Variants in MRPS27 observed in about 807,000 individuals in gnomAD.
MRPS27 encodes the protein mitochondrial ribosomal protein S27.
Under a neutral mutation model 48.9 loss-of-function variants are expected in MRPS27, and 43 were observed. The ratio of observed to expected loss-of-function variants is 0.88; its 90% CI spans 0.69 to 1.13. The LOEUF (loss-of-function observed/expected upper bound fraction) is 1.13, where lower values mean the gene tolerates loss of function less well. Among genes scored for constraint, MRPS27 ranks in the 50% most tolerant of loss-of-function variants. The probability of loss-of-function intolerance (pLI) is 0.00; values close to 1 mark genes in which losing one functional copy is unlikely to be tolerated. For missense variants in MRPS27, 467 were observed against 476.3 expected, an observed-to-expected ratio of 0.98 and a Z score of 0.18; for synonymous variants, 188 against 171.9, an observed-to-expected ratio of 1.09 and a Z score of -0.73.
intron 1 of MRPS27, among the ~76,000 whole-genome samples, chr5:72,317,404 C>T (rs951385951): frequency 8.5e-5 from 13 of 152,230 alleles, no homozygotes; most frequent in Admixed American, 7.8e-4. Flanking sequence ...AATGGAGTTT[C>T]GCTCTTGTTG....
chr5:72,236,177 T>A (rs570771223), intron 5 of MRPS27, among the ~76,000 whole-genome samples: 7 of 152,222 alleles, frequency 4.6e-5, no homozygotes, highest in East Asian at 1.9e-4. Flanking sequence ...TATTAAAAAA[T>A]TTTTTTAAAT....
At chr5:72,319,996 A>G (rs1198949715) in intron 1 of MRPS27, 153 bp downstream of exon 1, 7 of 719,866 alleles carry the variant, frequency 9.7e-6, no homozygotes, top group African/African-American at 1.8e-5. Context: ...AATGGATCAG[A>G]TACCTTGTCT....
rs559296710 is a variant in MRPS27 at position 72,246,232 on chromosome 5, C to T, written c.282-8104G>A. Among the ~76,000 whole-genome samples the T allele has an allele frequency of 2.2e-4, 34 of 152,302 alleles. 1 individual carries two copies. The highest frequency in any genetic ancestry group is 7.9e-4 in the African/African-American group (33 of 41,574). ...TTATATTTGAAACAGTAATTCACTT[C>T]TGGTTGTGAAGTATCCTGGCTAAAA... On this transcript the variant is annotated intron_variant, in intron 4 of 10. Transcript: ENST00000261413.
intron 4 of MRPS27, among the ~76,000 whole-genome samples, chr5:72,292,671 T>C (rs1749859367): frequency 6.6e-6 from 1 of 152,192 alleles, no homozygotes; most frequent in Non-Finnish European, 1.5e-5. Context: ...GTTTCTAAAC[T>C]TCTTTGGCTC....
chr5:72,265,882 AATTTAAGGC>A (rs1391184514), intron 4 of MRPS27, among the ~76,000 whole-genome samples: 8 of 152,244 alleles, frequency 5.3e-5, no homozygotes, highest in African/African-American at 1.4e-4. Context: ...GACATTAATA[AATTTAAGGC>A]AGAACACCTT....
intron 2 of MRPS27, among the ~76,000 whole-genome samples, chr5:72,311,302 T>G (rs1750435583): frequency 6.6e-6 from 1 of 152,020 alleles, no homozygotes; most frequent in Non-Finnish European, 1.5e-5. Flanking sequence ...AACTCCCAAA[T>G]GATTAAAGAA....
At chr5:72,227,379 A>C (rs1257303866) in intron 8 of MRPS27, 2 of 152,224 alleles carry the variant, frequency 1.3e-5, no homozygotes, top group Non-Finnish European at 2.9e-5. Flanking sequence ...TTAGTCTGAT[A>C]GACAGTCAAT....
intron 4 of MRPS27, among the ~76,000 whole-genome samples, chr5:72,258,035 G>A (rs1748857945): frequency 7.0e-6 from 1 of 142,578 alleles, no homozygotes; most frequent in African/African-American, 2.6e-5. Context: ...AGTGAGCCAC[G>A]ACAGGGCCAC....
intron 4 of MRPS27, among the ~76,000 whole-genome samples, chr5:72,260,118 C>T (rs1748926355): frequency 6.6e-6 from 1 of 152,074 alleles, no homozygotes; most frequent in African/African-American, 2.4e-5. Flanking sequence ...TCTCATTTTT[C>T]ATATCATTTT....
intron 4 of MRPS27, among the ~76,000 whole-genome samples, chr5:72,262,552 A>G (rs72761130): frequency 7.8e-4 from 119 of 152,244 alleles, no homozygotes; most frequent in Middle Eastern, 3.4e-3. Flanking sequence ...CTGCTGTTGG[A>G]CACCCCATTA....
chr5:72,231,339 TA>T (rs754268794), intron 7 of MRPS27, among the ~76,000 whole-genome samples: 15 of 152,168 alleles, frequency 9.9e-5, no homozygotes, highest in Non-Finnish European at 2.1e-4. Context: ...CCTTCAATAG[TA>T]ACCTAAGAAA....
intron 4 of MRPS27, among the ~76,000 whole-genome samples, chr5:72,273,680 T>C (rs550843205): frequency 1.3e-5 from 2 of 152,274 alleles, no homozygotes; most frequent in South Asian, 4.2e-4. Context: ...TATAAAATGG[T>C]ACATCTATAT....
chr5:72,241,140 T>C lies in MRPS27; in HGVS notation c.282-3012A>G, dbSNP rs772182968. ...GCAGCCTTGAACTCTTGGACTCAAG[T>C]GATCCTCCTGCCTTTGCCTCCTTCT... On this transcript the variant is annotated intron_variant, in intron 4 of 10. Coordinates refer to ENST00000261413, the MANE Select transcript of MRPS27 (RefSeq NM_015084.3). Among the ~76,000 whole-genome samples, 14 of 152,308 alleles carry C rather than the reference T, an allele frequency of 9.2e-5. No individual in the cohort carries two copies. In the East Asian group the frequency reaches 2.7e-3, roughly 29 times the overall value.
At chr5:72,241,955 C>G (rs1383661593) in intron 4 of MRPS27, among the ~76,000 whole-genome samples, 1 of 152,178 alleles carries the variant, frequency 6.6e-6, no homozygotes, top group East Asian at 1.9e-4. Flanking sequence ...ACCCAAATAT[C>G]CCCAACAAGG....
At chr5:72,292,008 T>C (rs1749833372) in intron 4 of MRPS27, among the ~76,000 whole-genome samples, 1 of 152,276 alleles carries the variant, frequency 6.6e-6, no homozygotes, top group Admixed American at 6.5e-5. Context: ...ACATATCGTA[T>C]AAAGTCCCTG....
Position 72,223,768 on chromosome 5 carries a change from T to G in MRPS27, c.920A>C (p.Asn307Thr). Reference sequence around the variant, plus strand: ...CTCCACCAGTTTTTCTGACCCCTGGTTGTCTTCATCATTTTGGGACTGCTC... The same window carrying G: ...CTCCACCAGTTTTTCTGACCCCTGGGTGTCTTCATCATTTTGGGACTGCTC... ...SEEQSQNDEDNQGSEKLVEQL... is the reference protein window; with the variant it reads ...SEEQSQNDEDTQGSEKLVEQL... Residue 307 changes from asparagine to threonine, a missense_variant, in exon 10 of 11, where the codon AAC becomes ACC. Physicochemically the swap from Asn to Thr is moderately conservative, Grantham distance 65 (BLOSUM62 0). Coordinates refer to ENST00000261413, the MANE Select transcript of MRPS27 (RefSeq NM_015084.3). The G allele has an allele frequency of 6.2e-7, 1 of 1,614,030 alleles. No homozygotes were observed. The highest frequency in any genetic ancestry group is 8.5e-7 in the Non-Finnish European group (1 of 1,179,952).
intron 4 of MRPS27, among the ~76,000 whole-genome samples, chr5:72,262,144 C>G (rs770308791): frequency 1.3e-5 from 2 of 152,192 alleles, no homozygotes. Flanking sequence ...TGGCCTTTAA[C>G]TCTCTGGCGA....
rs188374766 is a variant in MRPS27, at chr5:72,271,199, T to C, written c.281+24332A>G. On this transcript the variant is annotated intron_variant, in intron 4 of 10. Transcript: ENST00000261413. The stretch of plus-strand genomic sequence containing the variant: ...TGGAAAGGAAGAGTAAATGTATTTC[T>C]CGTCACAGATAATATGGTTGGATAT... Among the ~76,000 whole-genome samples the C allele has an allele frequency of 3.2e-3, 481 of 152,266 alleles. 1 individual carries two copies. The highest frequency in any genetic ancestry group is 0.011 in the African/African-American group (467 of 41,538).
At chr5:72,267,195 A>C (rs1431281323) in intron 4 of MRPS27, among the ~76,000 whole-genome samples, 2 of 152,238 alleles carry the variant, frequency 1.3e-5, no homozygotes, top group Non-Finnish European at 2.9e-5. Context: ...GGAGTCTTCC[A>C]ATTCCAATCT....
Sources: gnomAD v4.1 joint callset for allele counts (sites outside exome capture counted in the v4.1 genomes callset) on GRCh38, gnomAD v4.1.1 for gene constraint, MANE v1.5 for transcripts, NCBI Gene and HGNC (gene_info 2026-07-23, HGNC 2026-07-21) for gene names.